The following CRACD variants were observed in gnomAD, a reference collection of about 807,000 sequenced individuals.
The protein encoded by CRACD is capping protein-inhibiting regulator of actin dynamics.
Under a neutral mutation model 106.8 loss-of-function variants are expected in CRACD, and 56 were observed. That is an observed-to-expected ratio of 0.52 (90% CI 0.42 to 0.66). The LOEUF (loss-of-function observed/expected upper bound fraction) is 0.66. Among genes scored for constraint, CRACD ranks in the 30% least tolerant of loss-of-function variants. The pLI, the probability that CRACD is intolerant of heterozygous loss-of-function variation, is 0.00. For missense variants in CRACD, 1,730 were observed against 1,623.2 expected (o/e 1.07, Z -1.13); for synonymous variants, 754 against 670.8 (o/e 1.12, Z -1.92).
chr4:56,177,005 C>T (rs1736611518), intron 1 of CRACD, among the ~76,000 whole-genome samples: 2 of 152,108 alleles, frequency 1.3e-5, no homozygotes, highest in African/African-American at 4.8e-5. Context: ...CATCTGCAAA[C>T]AAGTACAATT....
Position 56,327,869 on chromosome 4 carries a change from A to AT in CRACD, c.*71dup. On this transcript the variant is annotated 3_prime_UTR_variant, in exon 11 of 11. Transcript: ENST00000682029. Reference sequence around the variant, plus strand: ...CCTCTCTTGCCCTTTTTATTTATTTATTTTTTATATGGGGTAAAGAAATCA... The same window carrying AT: ...CCTCTCTTGCCCTTTTTATTTATTTATTTTTTTATATGGGGTAAAGAAATCA... 1 of 1,366,978 alleles carries AT rather than the reference A, an allele frequency of 7.3e-7. No homozygotes were observed. Among genetic ancestry groups the AT allele is most frequent in the Non-Finnish European group, 1.0e-6 (1 of 988,002 alleles). The allele number at this position is 1,366,978 out of a possible 1,614,324, so 84.7% of individuals were successfully genotyped here.
chr4:56,238,963 C>T (rs1740179228), intron 2 of CRACD, among the ~76,000 whole-genome samples: 1 of 152,116 alleles, frequency 6.6e-6, no homozygotes, highest in South Asian at 2.1e-4. Context: ...CCAAAAGCCC[C>T]AAGTTCAGAG....
chr4:56,057,633 T>G (rs1173825110), intron 1 of CRACD, among the ~76,000 whole-genome samples: 2 of 149,972 alleles, frequency 1.3e-5, no homozygotes, highest in East Asian at 3.9e-4. Context: ...GGGTTTTTTT[T>G]TTTTTTTTTT....
In CRACD at chr4:56,328,652, G is replaced by A. The variant is rs1746622355; in HGVS notation, c.*848G>A. ...CCCTCCTAGGGCCTACTCAATCAGA[G>A]CCTGTGGGGACTGGGCCAGGAATAT... On this transcript the variant is annotated 3_prime_UTR_variant, in exon 11 of 11. Coordinates refer to ENST00000682029, the MANE Select transcript of CRACD (RefSeq NM_001393381.1). The A allele has an allele frequency of 4.0e-6, 1 of 249,214 alleles. No homozygotes were observed. Among genetic ancestry groups the A allele is most frequent in the Admixed American group, 5.3e-5 (1 of 18,700 alleles). 15.4% of individuals were successfully genotyped at this position (249,214 alleles called of 1,614,324 possible).
At chr4:56,164,203 C>T (rs1407304723) in intron 1 of CRACD, among the ~76,000 whole-genome samples, 2 of 149,420 alleles carry the variant, frequency 1.3e-5, no homozygotes, top group African/African-American at 2.5e-5. Flanking sequence ...GGCGCAATTT[C>T]GGCTCACTGC....
chr4:56,119,125 A>G (rs905654776), intron 1 of CRACD, among the ~76,000 whole-genome samples: 2 of 152,180 alleles, frequency 1.3e-5, no homozygotes, highest in Non-Finnish European at 2.9e-5. Flanking sequence ...TGTACTAAGC[A>G]TTTTATATGC....
chr4:56,177,641 A>C (rs1228940845), intron 1 of CRACD, among the ~76,000 whole-genome samples: 1 of 152,206 alleles, frequency 6.6e-6, no homozygotes, highest in African/African-American at 2.4e-5. Context: ...TGAAGCCATC[A>C]GGTTCTGGGC....
At chr4:56,169,980 AG>A (rs1284604688) in intron 1 of CRACD, among the ~76,000 whole-genome samples, 2 of 152,164 alleles carry the variant, frequency 1.3e-5, no homozygotes, top group African/African-American at 4.8e-5. Flanking sequence ...TTTACTGAAA[AG>A]AATTGAATGA....
In CRACD at chr4:56,315,103, C is replaced by T. The variant is rs936705823; in HGVS notation, c.1601C>T (p.Pro534Leu). The change falls in exon 8 of 11, where the codon CCC (proline) becomes CTC (leucine). Residue 534 changes from proline (P) to leucine (L), a missense_variant. This residue lies in a region of CRACD where 1,620 missense variants were observed against 1,481.6 expected (regional missense o/e 1.09). Coordinates refer to ENST00000682029, the MANE Select transcript of CRACD (RefSeq NM_001393381.1). This position sits in a 1 kb window ranked among gnomAD's most constrained non-coding sequence, Gnocchi z 4.1. ...WQEVDERQTMPRPYTFQVSSG... is the reference protein window; with the variant it reads ...WQEVDERQTMLRPYTFQVSSG... ...GAGGTGGACGAGAGACAGACCATGCCCCGGCCCTACACGTTCCAGGTGTCC... is the reference window on the plus strand; with the variant it reads ...GAGGTGGACGAGAGACAGACCATGCTCCGGCCCTACACGTTCCAGGTGTCC... 3 of 1,611,128 alleles carry T rather than the reference C, an allele frequency of 1.9e-6. No homozygotes were observed. Among genetic ancestry groups the T allele is most frequent in the Non-Finnish European group, 2.5e-6 (3 of 1,179,206 alleles).
chr4:56,315,051 C>T lies in CRACD; in HGVS notation c.1549C>T (p.Arg517Cys), dbSNP rs757452431. Reference protein sequence around the residue: ...RKEAAALEQGRKVEELRWQEV... With the variant: ...RKEAAALEQGCKVEELRWQEV... ...AGAAGCCGCCGCCCTTGAACAAGGCCGCAAGGTGGAGGAGCTGCGGTGGCA... is the reference window on the plus strand; with the variant it reads ...AGAAGCCGCCGCCCTTGAACAAGGCTGCAAGGTGGAGGAGCTGCGGTGGCA... Residue 517 changes from arginine to cysteine, a missense_variant, in exon 8 of 11, where the codon CGC becomes TGC. This residue lies in a region of CRACD where 1,620 missense variants were observed against 1,481.6 expected (regional missense o/e 1.09). Coordinates refer to ENST00000682029, the MANE Select transcript of CRACD (RefSeq NM_001393381.1). The surrounding 1 kb of genome is among the most constrained non-coding windows in gnomAD (Gnocchi z 4.1). 1 of 1,607,178 alleles carries T rather than the reference C, an allele frequency of 6.2e-7. No individual in the cohort carries two copies. Among genetic ancestry groups the T allele is most frequent in the East Asian group, 2.2e-5 (1 of 44,574 alleles).
intron 2 of CRACD, among the ~76,000 whole-genome samples, chr4:56,265,679 C>T (rs1741978449): frequency 6.6e-6 from 1 of 152,114 alleles, no homozygotes; most frequent in South Asian, 2.1e-4. Context: ...TGAAAGGTCC[C>T]ATAGTAAACA....
chr4:56,161,952 T>TG (rs2109905089), intron 1 of CRACD, among the ~76,000 whole-genome samples: 1 of 151,952 alleles, frequency 6.6e-6, no homozygotes, highest in East Asian at 2.0e-4. Context: ...TTAGTAGAAA[T>TG]GGGGTTTCAC....
chr4:56,328,776 C>T lies in CRACD; in HGVS notation c.*972C>T, dbSNP rs11725686. ...TAATGCAATCTAATTTTTCAGACTT[C>T]GAAGGGGAGGCTCATTCACTCAAAA... On this transcript the variant is annotated 3_prime_UTR_variant, in exon 11 of 11. Transcript: ENST00000682029. 1.2e-3 allele frequency among the ~76,000 whole-genome samples: 189 copies of T among 152,178 alleles called. No homozygotes were observed. The highest frequency in any genetic ancestry group is 2.0e-3 in the Non-Finnish European group (139 of 68,008).
At chr4:56,268,853 T>C (rs1351721664) in intron 2 of CRACD, among the ~76,000 whole-genome samples, 1 of 152,248 alleles carries the variant, frequency 6.6e-6, no homozygotes, top group Non-Finnish European at 1.5e-5. Flanking sequence ...CTGATTATAG[T>C]TCTTAAATAT....
chr4:56,247,841 A>C (rs565084553), intron 2 of CRACD, among the ~76,000 whole-genome samples: 306 of 116,542 alleles, frequency 2.6e-3, no homozygotes, highest in African/African-American at 8.2e-3. Context: ...GTGAGACTCC[A>C]TCTTACAGAA....
At chr4:56,273,953 G>A (rs1047927580) in intron 3 of CRACD, among the ~76,000 whole-genome samples, 11 of 152,204 alleles carry the variant, frequency 7.2e-5, no homozygotes, top group Non-Finnish European at 7.3e-5. Context: ...CACTGCTGTT[G>A]TGTCTAAATT....
intron 3 of CRACD, among the ~76,000 whole-genome samples, chr4:56,290,037 C>A (rs932789434): frequency 6.6e-6 from 1 of 152,172 alleles, no homozygotes; most frequent in Non-Finnish European, 1.5e-5. Context: ...TCCCTGTCAT[C>A]GCTGATACAG....
intron 1 of CRACD, among the ~76,000 whole-genome samples, chr4:56,090,160 A>G (rs1733377935): frequency 6.6e-6 from 1 of 151,982 alleles, no homozygotes; most frequent in Non-Finnish European, 1.5e-5. Context: ...TTTAAAAAAA[A>G]AAAAAAACTG....
At chr4:56,147,274 T>G (rs1735419884) in intron 1 of CRACD, among the ~76,000 whole-genome samples, 1 of 152,196 alleles carries the variant, frequency 6.6e-6, no homozygotes, top group African/African-American at 2.4e-5. Context: ...AAAGTATGTT[T>G]CAAGGCTGAA....
Sources: gnomAD v4.1 joint callset for allele counts (sites outside exome capture counted in the v4.1 genomes callset) on GRCh38, gnomAD v4.1.1 for gene constraint, gnomAD v4.1.1 regional missense constraint, Gnocchi (gnomAD v3.1) non-coding constraint, MANE v1.5 for transcripts, NCBI Gene and HGNC (gene_info 2026-07-23, HGNC 2026-07-21) for gene names.